Variants in PALM2AKAP2 observed in about 807,000 individuals in gnomAD.
PALM2AKAP2 encodes the protein PALM2 and AKAP2 fusion.
A neutral mutation model predicts 71.5 loss-of-function variants in PALM2AKAP2; 37 were observed. The ratio of observed to expected loss-of-function variants is 0.52; its 90% CI spans 0.40 to 0.68. PALM2AKAP2 has a LOEUF of 0.68. Ranked by LOEUF, PALM2AKAP2 falls within the 30% of genes least tolerant of loss-of-function variation. The pLI, the probability that PALM2AKAP2 is intolerant of heterozygous loss-of-function variation, is 0.00. For missense variants in PALM2AKAP2, 1,224 were observed against 1,191.8 expected (o/e 1.03, Z -0.40); for synonymous variants, 468 against 478.8 (o/e 0.98, Z 0.29).
intron 1 of PALM2AKAP2, among the ~76,000 whole-genome samples, chr9:110,083,152 AAAAAACAAAAAAC>A (rs1834486057): frequency 6.6e-6 from 1 of 152,158 alleles, no homozygotes; most frequent in Non-Finnish European, 1.5e-5. Context: ...AAAAAAAGCA[AAAAAACAAAAAAC>A]AAAAACAATG....
chr9:110,011,235 T>TTA (rs375008585), intron 6 of PALM2AKAP2, among the ~76,000 whole-genome samples: 1,671 of 147,582 alleles, frequency 0.011, 28 homozygotes, highest in African/African-American at 0.038. Flanking sequence ...TATATTTCTA[T>TTA]TATATATATA....
intron 1 of PALM2AKAP2, among the ~76,000 whole-genome samples, chr9:109,710,470 G>T (rs564594479): frequency 6.6e-6 from 1 of 152,226 alleles, no homozygotes; most frequent in Non-Finnish European, 1.5e-5. Flanking sequence ...AACAGGAAAA[G>T]AATGAACTCT....
intron 7 of PALM2AKAP2, among the ~76,000 whole-genome samples, chr9:110,020,735 G>A (rs563632651): frequency 4.6e-5 from 7 of 151,924 alleles, no homozygotes; most frequent in African/African-American, 7.3e-5. Context: ...CCAGTCTCAG[G>A]TAACTCTTTA....
chr9:109,932,647 T>C (rs1221268307), intron 6 of PALM2AKAP2, among the ~76,000 whole-genome samples: 1 of 151,962 alleles, frequency 6.6e-6, no homozygotes, highest in African/African-American at 2.4e-5. Context: ...GAACCATGCT[T>C]TGCTCTGCTT....
At chr9:109,790,773 G>T (rs7041961) in intron 1 of PALM2AKAP2, among the ~76,000 whole-genome samples, 1 of 152,206 alleles carries the variant, frequency 6.6e-6, no homozygotes, top group Non-Finnish European at 1.5e-5. Flanking sequence ...TTCTACTGGG[G>T]TGGGAAGTGC....
intron 1 of PALM2AKAP2, among the ~76,000 whole-genome samples, chr9:110,060,398 C>G (rs1456727737): frequency 6.7e-6 from 1 of 149,560 alleles, no homozygotes. Flanking sequence ...TTTATTTTAG[C>G]CTGACAACTA....
At chr9:109,710,257 C>G (rs1381742445) in intron 1 of PALM2AKAP2, among the ~76,000 whole-genome samples, 1 of 152,226 alleles carries the variant, frequency 6.6e-6, no homozygotes, top group Admixed American at 6.5e-5. Context: ...TTTGTTAAAG[C>G]AGACTTTGGA....
chr9:110,004,966 G>T (rs1832749953), intron 6 of PALM2AKAP2, among the ~76,000 whole-genome samples: 1 of 152,138 alleles, frequency 6.6e-6, no homozygotes, highest in Non-Finnish European at 1.5e-5. Context: ...TCTTTGCCAT[G>T]GGTTCGAATT....
At chr9:110,106,970 A>G (rs1385605097) in intron 1 of PALM2AKAP2, among the ~76,000 whole-genome samples, 1 of 152,216 alleles carries the variant, frequency 6.6e-6, no homozygotes, top group Non-Finnish European at 1.5e-5. Flanking sequence ...CTAATGGAAG[A>G]TAAGTCATCA....
At chr9:109,890,956 A>G (rs370413330) in intron 3 of PALM2AKAP2, among the ~76,000 whole-genome samples, 1 of 152,334 alleles carries the variant, frequency 6.6e-6, no homozygotes, top group East Asian at 1.9e-4. Context: ...CTATGCAGAA[A>G]GGCAAAGGAA....
chr9:110,135,604 T>C (rs925603511), intron 1 of PALM2AKAP2, among the ~76,000 whole-genome samples: 1 of 152,164 alleles, frequency 6.6e-6, no homozygotes, highest in Non-Finnish European at 1.5e-5. Flanking sequence ...CATGGTCAAT[T>C]ACAGCCATGG....
At chr9:110,118,170 T>C (rs939253461) in intron 1 of PALM2AKAP2, among the ~76,000 whole-genome samples, 1 of 146,542 alleles carries the variant, frequency 6.8e-6, no homozygotes, top group Non-Finnish European at 1.5e-5. Flanking sequence ...ATGGAATATA[T>C]ATTATATATA....
chr9:109,921,494 C>T (rs1830828803), intron 3 of PALM2AKAP2, among the ~76,000 whole-genome samples: 1 of 152,180 alleles, frequency 6.6e-6, no homozygotes, highest in Admixed American at 6.5e-5. Context: ...AAGATCACCT[C>T]AGTTGAGAGC....
chr9:109,755,715 C>A (rs1015972193), intron 1 of PALM2AKAP2, among the ~76,000 whole-genome samples: 2 of 151,788 alleles, frequency 1.3e-5, no homozygotes, highest in African/African-American at 4.8e-5. Context: ...CCCTTAGTAT[C>A]CCTTTACACT....
intron 1 of PALM2AKAP2, among the ~76,000 whole-genome samples, chr9:110,063,456 T>C (rs985367158): frequency 2.1e-5 from 3 of 141,100 alleles, no homozygotes; most frequent in Non-Finnish European, 4.7e-5. Flanking sequence ...TTTTTTTTTT[T>C]GAGACAGAGT....
chr9:110,033,857 C>A (rs997044479), intron 7 of PALM2AKAP2, among the ~76,000 whole-genome samples: 1 of 152,138 alleles, frequency 6.6e-6, no homozygotes, highest in Admixed American at 6.5e-5. Flanking sequence ...ATAGCTAATA[C>A]TAATTGAGAA....
At chr9:109,812,541 A>G (rs1265203303) in intron 1 of PALM2AKAP2, among the ~76,000 whole-genome samples, 28 of 152,190 alleles carry the variant, frequency 1.8e-4, no homozygotes, top group Admixed American at 1.8e-3. Context: ...GCGGCTGATG[A>G]GGAACATCTG....
At chr9:110,073,936 A>G (rs923586708) in intron 1 of PALM2AKAP2, among the ~76,000 whole-genome samples, 4 of 152,194 alleles carry the variant, frequency 2.6e-5, no homozygotes, top group African/African-American at 9.7e-5. Flanking sequence ...AATACACATG[A>G]ATTGCAAAGG....
chr9:109,994,469 C>T (rs1439535137), intron 6 of PALM2AKAP2, among the ~76,000 whole-genome samples: 3 of 152,180 alleles, frequency 2.0e-5, no homozygotes, highest in Admixed American at 6.5e-5. Flanking sequence ...AACACTGGGT[C>T]ATAAAGCAAT....
Sources: gnomAD v4.1 joint callset for allele counts (sites outside exome capture counted in the v4.1 genomes callset) on GRCh38, gnomAD v4.1.1 for gene constraint, MANE v1.5 for transcripts, NCBI Gene and HGNC (gene_info 2026-07-23, HGNC 2026-07-21) for gene names.